The following RPL27A variants were observed in gnomAD, a reference collection of about 807,000 sequenced individuals.
The protein encoded by RPL27A is ribosomal protein L27a, also known as large ribosomal subunit protein uL15.
For missense variants in RPL27A, 118 were observed against 189.4 expected (o/e 0.62, Z 2.21); for synonymous variants, 69 against 68.3 (o/e 1.01, Z -0.05).
At position 8,688,361 on chromosome 11, in the gene RPL27A, ACT is replaced by A. The variant is rs1233776545; in HGVS notation, c.*2556_*2557del. 1 of 152,204 alleles carries A rather than the reference ACT, an allele frequency of 6.6e-6. No homozygotes were observed. The highest frequency in any genetic ancestry group is 1.5e-5 in the Non-Finnish European group (1 of 68,042). 9.4% of individuals were successfully genotyped at this position (152,204 alleles called of 1,614,324 possible). A position where few individuals can be genotyped will look rare whatever the true frequency, so the allele number is the denominator to read the frequency against. Reference sequence around the variant, plus strand: ...CGATCCCCTGGCCTGGGAAAGAAACACTGATTTCGTTGCTGGCTTGTTCACTC... The same window carrying A: ...CGATCCCCTGGCCTGGGAAAGAAACAGATTTCGTTGCTGGCTTGTTCACTC... On this transcript the variant is annotated 3_prime_UTR_variant, in exon 5 of 5. Coordinates refer to ENST00000314138, the MANE Select transcript of RPL27A (RefSeq NM_000990.5).
chr11:8,684,013 C>T lies in RPL27A; in HGVS notation c.75C>T (p.His25=). 1 of 1,612,194 alleles carries T rather than the reference C, an allele frequency of 6.2e-7. No individual in the cohort carries two copies. Among genetic ancestry groups the T allele is most frequent in the Non-Finnish European group, 8.5e-7 (1 of 1,179,954 alleles). Residue 25 remains histidine (H), a synonymous_variant, in exon 3 of 5, where the codon CAC becomes CAT. Transcript: ENST00000314138. ...AGCTTTGTATTCCTGCAGGCAAGCA[C>T]CGGAAGCACCCCGGCGGCCGCGGTA... ...VSHGHGRIGK[H]RKHPGGRGNA...
intron 2 of RPL27A, 53 bp downstream of exon 2, chr11:8,683,318 G>A (rs777349559): frequency 5.3e-6 from 8 of 1,512,392 alleles, no homozygotes; most frequent in East Asian, 2.3e-5. Context: ...CGGGTGCTTA[G>A]CTAGTCTGGA....
chr11:8,684,243 C>CG (rs758092932), intron 3 of RPL27A, 162 bp downstream of exon 3: 11 of 773,114 alleles, frequency 1.4e-5, no homozygotes, highest in Non-Finnish European at 1.9e-5. Context: ...GCTAGAGTCA[C>CG]GCTTGGGTAT....
At position 8,684,795 on chromosome 11, in the gene RPL27A, A is replaced by C. The variant is rs760749315; in HGVS notation, c.221A>C (p.Asn74Thr). The C allele has an allele frequency of 9.3e-6, 15 of 1,613,878 alleles. No individual in the cohort carries two copies. Among genetic ancestry groups the C allele is most frequent in the Non-Finnish European group, 1.3e-5 (15 of 1,179,830 alleles). The change falls in exon 4 of 5, where the codon AAC (asparagine) becomes ACC (threonine). Residue 74 changes from asparagine (N) to threonine (T), a missense_variant. Transcript: ENST00000314138. Reference sequence around the variant, plus strand: ...AACCAGAGCTTCTGCCCAACTGTCAACCTTGACAAATTGTGGACTTTGGTC... The same window carrying C: ...AACCAGAGCTTCTGCCCAACTGTCACCCTTGACAAATTGTGGACTTTGGTC... ...KRNQSFCPTV[N>T]LDKLWTLVSE...
rs1233940586 is a variant in RPL27A at position 8,688,973 on chromosome 11, C to A, written c.*3167C>A. ...GGGTCTTACCCCGGCACCTGAGAAC[C>A]ACTTCCGGTGAGTAGCTTCTACTTC... is the stretch of plus-strand genomic sequence containing the variant. On this transcript the variant is annotated 3_prime_UTR_variant, in exon 5 of 5. Transcript: ENST00000314138. The A allele has an allele frequency of 6.6e-6, 1 of 152,400 alleles. No homozygotes were observed. The highest frequency in any genetic ancestry group is 2.4e-5 in the African/African-American group (1 of 41,598). 9.4% of individuals were successfully genotyped at this position (152,400 alleles called of 1,614,324 possible). A position where few individuals can be genotyped will look rare whatever the true frequency, so the allele number is the denominator to read the frequency against.
At position 8,682,829 on chromosome 11, in the gene RPL27A, T is replaced by C. The variant is rs780937350; in HGVS notation, c.3+13T>C. 6.2e-7 allele frequency: 1 copy of C among 1,611,376 alleles called. No individual in the cohort carries two copies. Among genetic ancestry groups the C allele is most frequent in the Non-Finnish European group, 8.5e-7 (1 of 1,178,774 alleles). ...GGCTGCCAACATGGTAGGTGTTTCG[T>C]TTCTTGCCTCCTCTTCCTTGCCGGC... On this transcript the variant is annotated intron_variant, in intron 1 of 4. Transcript: ENST00000314138.
chr11:8,685,659 T>G lies in RPL27A; in HGVS notation c.319-19T>G. The G allele has an allele frequency of 6.2e-7, 1 of 1,613,928 alleles. No individual in the cohort carries two copies. Among genetic ancestry groups the G allele is most frequent in the Non-Finnish European group, 8.5e-7 (1 of 1,179,844 alleles). On this transcript the variant is annotated intron_variant, in intron 4 of 4. Transcript: ENST00000314138. ...TACCTACTACAGTGTATTGTAAACTTTTTTCTCTGTTCTTCTAGGGCTACT... is the reference window on the plus strand; with the variant it reads ...TACCTACTACAGTGTATTGTAAACTGTTTTCTCTGTTCTTCTAGGGCTACT...
At chr11:8,684,610 C>A in intron 3 of RPL27A, 108 bp from the exon 4 acceptor site, 1 of 945,800 alleles carries the variant, frequency 1.1e-6, no homozygotes, top group Non-Finnish European at 1.7e-6. Flanking sequence ...TGACACTGCT[C>A]TACACCAGTG....
rs567225812 is a variant in RPL27A, at chr11:8,682,913, G to C, written c.3+97G>C. On this transcript the variant is annotated intron_variant, in intron 1 of 4. Coordinates refer to ENST00000314138, the MANE Select transcript of RPL27A (RefSeq NM_000990.5). ...GTCATCCACTCCCTACCATGGTCGG[G>C]GCTTCCAGGCTGCGCATGGCCGCCT... 54 of 1,457,334 alleles carry C rather than the reference G, an allele frequency of 3.7e-5. No homozygotes were observed. The South Asian group carries it at 6.7e-4, about 18-fold the overall frequency. 90.3% of individuals were successfully genotyped at this position (1,457,334 alleles called of 1,614,324 possible).
chr11:8,682,835 G>T lies in RPL27A; in HGVS notation c.3+19G>T, dbSNP rs185245303. 4 of 1,610,466 alleles carry T rather than the reference G, an allele frequency of 2.5e-6. No homozygotes were observed. The highest frequency in any genetic ancestry group is 1.3e-5 in the African/African-American group (1 of 74,756). The stretch of plus-strand genomic sequence containing the variant: ...CAACATGGTAGGTGTTTCGTTTCTT[G>T]CCTCCTCTTCCTTGCCGGCGGAGAC... On this transcript the variant is annotated intron_variant, in intron 1 of 4. Transcript: ENST00000314138.
chr11:8,682,961 G>T, intron 1 of RPL27A, 145 bp downstream of exon 1: 2 of 1,156,568 alleles, frequency 1.7e-6, no homozygotes, highest in Non-Finnish European at 2.5e-6. Flanking sequence ...GGCCGGCGCG[G>T]GCCCGGGGCG....
intron 2 of RPL27A, 137 bp from the exon 3 acceptor site, chr11:8,683,869 C>A (rs375026543): frequency 2.7e-6 from 2 of 738,124 alleles, no homozygotes; most frequent in Non-Finnish European, 4.9e-6. Context: ...TTAGTAGAGT[C>A]GGGGGTTTCT....
chr11:8,683,249 C>T lies in RPL27A; in HGVS notation c.51C>T (p.His17=), dbSNP rs746866584. ...GGAAACTTAGGGGCCACGTGAGCCACGGCCACGGCCGCATAGGTAAGTGCC... is the reference window on the plus strand; with the variant it reads ...GGAAACTTAGGGGCCACGTGAGCCATGGCCACGGCCGCATAGGTAAGTGCC... ...KTRKLRGHVS[H]GHGRIGKHRK... The change falls in exon 2 of 5, where the codon CAC becomes CAT. Residue 17 remains histidine (H), a synonymous_variant. Transcript: ENST00000314138. 1.1e-5 allele frequency: 17 copies of T among 1,614,104 alleles called. No homozygotes were observed. The highest frequency in any genetic ancestry group is 6.7e-5 in the Admixed American group (4 of 60,012).
At chr11:8,685,118 C>A in intron 4 of RPL27A, 1 of 578,332 alleles carries the variant, frequency 1.7e-6, no homozygotes, top group Non-Finnish European at 3.1e-6. Context: ...CTGGTTTTCA[C>A]TGAGCACAGC....
Position 8,687,729 on chromosome 11 carries a change from G to A in RPL27A, c.*1923G>A, listed in dbSNP as rs1231377972. On this transcript the variant is annotated 3_prime_UTR_variant, in exon 5 of 5. Coordinates refer to ENST00000314138, the MANE Select transcript of RPL27A (RefSeq NM_000990.5). The stretch of plus-strand genomic sequence containing the variant: ...CTGCAAGCTCCGCCTCCTAGGTTCA[G>A]ACCATTCTCCTGCCTCAGCTTCCCA... The A allele has an allele frequency of 1.3e-5, 2 of 152,204 alleles. No homozygotes were observed. The highest frequency in any genetic ancestry group is 4.8e-5 in the African/African-American group (2 of 41,442). The allele number at this position is 152,204 out of a possible 1,614,324, so 9.4% of individuals were successfully genotyped here. A position where few individuals can be genotyped will look rare whatever the true frequency, so the allele number is the denominator to read the frequency against.
In RPL27A at chr11:8,685,995, T is replaced by C; in HGVS notation, c.*189T>C. The C allele has an allele frequency of 1.7e-6, 1 of 580,560 alleles. No homozygotes were observed. Among genetic ancestry groups the C allele is most frequent in the South Asian group, 2.2e-5 (1 of 45,630 alleles). 36.0% of individuals were successfully genotyped at this position (580,560 alleles called of 1,614,324 possible). On this transcript the variant is annotated 3_prime_UTR_variant, in exon 5 of 5. Transcript: ENST00000314138. ...GGTAAACGTAAGACCAACACAGACG[T>C]TGGCCAGTTAAACATTTCTGTTTAT... is the stretch of plus-strand genomic sequence containing the variant.
At position 8,685,999 on chromosome 11, in the gene RPL27A, C is replaced by G. The variant is rs1034020323; in HGVS notation, c.*193C>G. 1.4e-4 allele frequency: 79 copies of G among 569,172 alleles called. No homozygotes were observed. The highest frequency in any genetic ancestry group is 7.3e-4 in the Middle Eastern group (2 of 2,728). The allele number at this position is 569,172 out of a possible 1,614,324, so 35.3% of individuals were successfully genotyped here. A position where few individuals can be genotyped will look rare whatever the true frequency, so the allele number is the denominator to read the frequency against. On this transcript the variant is annotated 3_prime_UTR_variant, in exon 5 of 5. Coordinates refer to ENST00000314138, the MANE Select transcript of RPL27A (RefSeq NM_000990.5). ...AACGTAAGACCAACACAGACGTTGG[C>G]CAGTTAAACATTTCTGTTTATAAAG...
At chr11:8,683,912 C>A in intron 2 of RPL27A, 94 bp from the exon 3 acceptor site, 1 of 959,598 alleles carries the variant, frequency 1.0e-6, no homozygotes, top group Non-Finnish European at 1.7e-6. Context: ...GAACTCCTGA[C>A]CTCAGGTGAT....
Position 8,682,952 on chromosome 11 carries a change from GCCGGCGCGGGC to G in RPL27A, c.3+141_3+151del, listed in dbSNP as rs1171073449. The G allele has an allele frequency of 5.3e-5, 65 of 1,223,802 alleles. No individual in the cohort carries two copies. The Middle Eastern group carries it at 9.9e-4, about 19-fold the overall frequency. The allele number at this position is 1,223,802 out of a possible 1,614,324, so 75.8% of individuals were successfully genotyped here. ...GCATGGCCGCCTGCGGGGCAGGGTG[GCCGGCGCGGGC>G]CCGGGGCGGGGCTCCCGGAGCCGTG... On this transcript the variant is annotated intron_variant, in intron 1 of 4. Transcript: ENST00000314138.
Sources: allele counts gnomAD v4.1 joint callset, GRCh38; gene constraint gnomAD v4.1.1; transcripts MANE v1.5; gene names NCBI Gene and HGNC (gene_info 2026-07-23, HGNC 2026-07-21).